The following DLC1 variants were observed in gnomAD, a reference collection of about 807,000 sequenced individuals.
DLC1 encodes DLC1 Rho GTPase activating protein, also known as rho GTPase-activating protein 7.
DLC1 carries 54 observed loss-of-function variants against 140.3 expected under a neutral mutation model. That is an observed-to-expected ratio of 0.38 (90% CI 0.31 to 0.48). The LOEUF is 0.48. Among genes scored for constraint, DLC1 ranks in the 20% least tolerant of loss-of-function variants. The probability of loss-of-function intolerance (pLI) is 0.96; values close to 1 mark genes in which losing one functional copy is unlikely to be tolerated. For missense variants in DLC1, 2,536 were observed against 1,907.0 expected (o/e 1.33, Z -6.14); for synonymous variants, 986 against 728.1 (o/e 1.35, Z -5.70).
At chr8:13,233,646 T>C (rs2117210125) in intron 5 of DLC1, among the ~76,000 whole-genome samples, 1 of 152,320 alleles carries the variant, frequency 6.6e-6, no homozygotes, top group East Asian at 1.9e-4. Context: ...AGTCAATATG[T>C]ACCACATCTT....
intron 4 of DLC1, among the ~76,000 whole-genome samples, chr8:13,348,120 A>AACAG (rs1291608949): frequency 2.8e-4 from 43 of 151,424 alleles, no homozygotes; most frequent in Middle Eastern, 3.4e-3. Context: ...TAAACAAACA[A>AACAG]ACTTCCTGGA....
chr8:13,460,958 A>G (rs1799627850), intron 2 of DLC1, among the ~76,000 whole-genome samples: 1 of 152,174 alleles, frequency 6.6e-6, no homozygotes, highest in African/African-American at 2.4e-5. Context: ...CATCCCTGTA[A>G]TCCCAGCGTT....
At chr8:13,282,617 T>C (rs1365697522) in intron 5 of DLC1, among the ~76,000 whole-genome samples, 7 of 152,194 alleles carry the variant, frequency 4.6e-5, no homozygotes, top group South Asian at 2.1e-4. Context: ...CTTCATTTTA[T>C]TTTATTCCTA....
At chr8:13,197,912 A>G (rs1020442993) in intron 5 of DLC1, among the ~76,000 whole-genome samples, 10 of 152,096 alleles carry the variant, frequency 6.6e-5, no homozygotes, top group Non-Finnish European at 1.3e-4. Flanking sequence ...TTGGCTTTAG[A>G]CTGATGATAC....
At chr8:13,493,701 T>C (rs1322406816) in intron 2 of DLC1, among the ~76,000 whole-genome samples, 1 of 152,186 alleles carries the variant, frequency 6.6e-6, no homozygotes, top group East Asian at 1.9e-4. Flanking sequence ...TTCTAGAACT[T>C]ATTTTCTTTA....
chr8:13,253,946 G>A (rs530115218), intron 5 of DLC1, among the ~76,000 whole-genome samples: 2 of 152,294 alleles, frequency 1.3e-5, no homozygotes, highest in East Asian at 3.9e-4. Context: ...CAGCCCAGAT[G>A]TTAACTAGAG....
At chr8:13,367,602 T>C (rs1290125990) in intron 4 of DLC1, among the ~76,000 whole-genome samples, 1 of 152,240 alleles carries the variant, frequency 6.6e-6, no homozygotes, top group Non-Finnish European at 1.5e-5. Context: ...GTGTTTTCTT[T>C]ACATAGTCTA....
chr8:13,112,784 T>A (rs1820228523), intron 6 of DLC1, among the ~76,000 whole-genome samples: 1 of 152,138 alleles, frequency 6.6e-6, no homozygotes, highest in Non-Finnish European at 1.5e-5. Flanking sequence ...TGGCCTCAAG[T>A]CATCCTCCCA....
chr8:13,175,833 A>G (rs1825730412), intron 5 of DLC1, among the ~76,000 whole-genome samples: 1 of 152,120 alleles, frequency 6.6e-6, no homozygotes, highest in African/African-American at 2.4e-5. Flanking sequence ...CTGTTCTCTC[A>G]CCAAAGTGGA....
intron 2 of DLC1, among the ~76,000 whole-genome samples, chr8:13,413,211 C>A (rs1383391065): frequency 1.4e-5 from 2 of 142,336 alleles, no homozygotes; most frequent in African/African-American, 5.2e-5. Flanking sequence ...TATGGCCCAA[C>A]ACAAATTCGT....
intron 2 of DLC1, among the ~76,000 whole-genome samples, chr8:13,457,625 C>T (rs535371969): frequency 7.4e-6 from 1 of 135,894 alleles, no homozygotes; most frequent in Non-Finnish European, 1.5e-5. Context: ...TGCAGTGAGC[C>T]GAGATCGCGC....
chr8:13,347,847 T>C (rs1242586307), intron 4 of DLC1, among the ~76,000 whole-genome samples: 2 of 152,182 alleles, frequency 1.3e-5, no homozygotes, highest in Non-Finnish European at 2.9e-5. Context: ...TTCCTGGCTT[T>C]GTGAGTCCAA....
chr8:13,086,592 G>T, intron 16 of DLC1, 129 bp from the exon 17 acceptor site: 3 of 1,029,396 alleles, frequency 2.9e-6, no homozygotes, highest in Non-Finnish European at 2.8e-6. Context: ...TGTGACCCAG[G>T]CCTAGGTAAA....
rs540485819 is a variant in DLC1 at position 13,401,396 on chromosome 8, C to G, written c.1173+74G>C. ...TAGATGCCATTAACAAGGATGTTGC[C>G]TTTGCAAGAGGGACTGTATAAGGTC... is the stretch of plus-strand genomic sequence containing the variant. On this transcript the variant is annotated intron_variant, in intron 3 of 17. Transcript: ENST00000276297. 8.2e-5 allele frequency: 127 copies of G among 1,546,452 alleles called. No individual in the cohort carries two copies. The African/African-American group carries it at 1.4e-3, about 17-fold the overall frequency.
At chr8:13,497,417 A>C (rs1246074093) in intron 2 of DLC1, among the ~76,000 whole-genome samples, 1 of 152,236 alleles carries the variant, frequency 6.6e-6, no homozygotes, top group East Asian at 1.9e-4. Flanking sequence ...TGTAGAGTTA[A>C]AGTAAATATT....
chr8:13,450,278 A>G (rs1165319247), intron 2 of DLC1, among the ~76,000 whole-genome samples: 1 of 151,718 alleles, frequency 6.6e-6, no homozygotes, highest in African/African-American at 2.4e-5. Flanking sequence ...AACATGGTGA[A>G]ACGCTGTCTC....
At chr8:13,286,012 T>C (rs1331476053) in intron 5 of DLC1, among the ~76,000 whole-genome samples, 1 of 152,114 alleles carries the variant, frequency 6.6e-6, no homozygotes, top group Non-Finnish European at 1.5e-5. Flanking sequence ...ATTTGCACAA[T>C]AAATATGCAA....
chr8:13,267,601 C>T (rs1162241357), intron 5 of DLC1, among the ~76,000 whole-genome samples: 1 of 152,166 alleles, frequency 6.6e-6, no homozygotes, highest in Non-Finnish European at 1.5e-5. Context: ...ATAAAATGTA[C>T]TGTTCCCCCC....
chr8:13,106,722 G>A (rs1422803718), intron 7 of DLC1, among the ~76,000 whole-genome samples: 3 of 152,230 alleles, frequency 2.0e-5, no homozygotes, highest in African/African-American at 7.2e-5. Context: ...TCAGGCATCT[G>A]ATGGACTGCT....
Sources: gnomAD v4.1 joint callset for allele counts (sites outside exome capture counted in the v4.1 genomes callset) on GRCh38, gnomAD v4.1.1 for gene constraint, MANE v1.5 for transcripts, NCBI Gene and HGNC (gene_info 2026-07-23, HGNC 2026-07-21) for gene names.